Variants in ADCK1 observed in about 807,000 individuals in gnomAD.
ADCK1 encodes aarF domain containing kinase 1, also known as aarF domain-containing protein kinase 1.
Under a neutral mutation model 52.3 loss-of-function variants are expected in ADCK1, and 41 were observed. That is an observed-to-expected ratio of 0.78 (90% CI 0.61 to 1.02). ADCK1 has a LOEUF of 1.02. ADCK1 is among the 50% of genes least tolerant of loss of function. The probability of loss-of-function intolerance (pLI) is 0.00; values close to 1 mark genes in which losing one functional copy is unlikely to be tolerated. For missense variants in ADCK1, 658 were observed against 679.5 expected (o/e 0.97, Z 0.35); for synonymous variants, 250 against 274.6 (o/e 0.91, Z 0.89).
intron 3 of ADCK1, among the ~76,000 whole-genome samples, chr14:77,831,789 G>A (rs1161030642): frequency 1.3e-5 from 2 of 152,134 alleles, no homozygotes; most frequent in Non-Finnish European, 2.9e-5. Flanking sequence ...ATATGGTAGA[G>A]TGTTTTGGAG....
chr14:77,843,504 G>C (rs2082116828), intron 3 of ADCK1, among the ~76,000 whole-genome samples: 1 of 152,180 alleles, frequency 6.6e-6, no homozygotes, highest in African/African-American at 2.4e-5. Flanking sequence ...TGGCAACTGG[G>C]TTCCCAAATG....
Position 77,858,851 on chromosome 14 carries a change from G to A in ADCK1, c.220-225G>A, listed in dbSNP as rs150041966. Among the ~76,000 whole-genome samples the A allele has an allele frequency of 6.4e-3, 979 of 152,248 alleles. 10 individuals are homozygous for A. The highest frequency in any genetic ancestry group is 0.022 in the African/African-American group (928 of 41,526). On this transcript the variant is annotated intron_variant, in intron 3 of 10. Coordinates refer to ENST00000238561, the MANE Select transcript of ADCK1 (RefSeq NM_020421.4). Reference sequence around the variant, plus strand: ...AGGAGGAGATAGGAAGCACTGGGCCGTGTTTGAAGGGCGGCCTCTGTATGA... The same window carrying A: ...AGGAGGAGATAGGAAGCACTGGGCCATGTTTGAAGGGCGGCCTCTGTATGA...
chr14:77,921,344 AAAAAG>A (rs2084053340), intron 7 of ADCK1, among the ~76,000 whole-genome samples: 3 of 149,258 alleles, frequency 2.0e-5, no homozygotes, highest in Non-Finnish European at 3.0e-5. Flanking sequence ...AAAAAAAAAA[AAAAAG>A]AAAAAAAAGT....
In ADCK1 at chr14:77,931,660, G is replaced by A; in HGVS notation, c.1349G>A (p.Ser450Asn). Residue 450 changes from serine (S) to asparagine (N), a missense_variant, in exon 10 of 11, where the codon AGC (serine) becomes AAC (asparagine). By Grantham distance (46) the Ser-to-Asn change is conservative. Transcript: ENST00000238561. ...GAGGCCGCCCTGGGCACCCGCGCCA[G>A]CGCCAGCTCCTTTCTCAACATGTCA... Reference protein sequence around the residue: ...GIEAALGTRASASSFLNMSRC... With the variant: ...GIEAALGTRANASSFLNMSRC... The A allele has an allele frequency of 1.2e-6, 2 of 1,609,910 alleles. No homozygotes were observed. The highest frequency in any genetic ancestry group is 1.3e-5 in the African/African-American group (1 of 75,072).
At chr14:77,919,800 A>C (rs1246528498) in intron 7 of ADCK1, among the ~76,000 whole-genome samples, 1 of 152,048 alleles carries the variant, frequency 6.6e-6, no homozygotes, top group Non-Finnish European at 1.5e-5. Context: ...GTGGTATTGC[A>C]TTGTGGTTTT....
chr14:77,911,278 C>T lies in ADCK1; in HGVS notation c.858+3359C>T, dbSNP rs574127234. On this transcript the variant is annotated intron_variant, in intron 7 of 10. Transcript: ENST00000238561. ...GGTCTGCATGACTCCAAAGTCCTTG[C>T]CCCTCTACCTTCTCCATTTCCCTGC... is the stretch of plus-strand genomic sequence containing the variant. Among the ~76,000 whole-genome samples the T allele has an allele frequency of 2.0e-4, 31 of 152,318 alleles. 1 individual carries two copies. The South Asian group carries it at 6.4e-3, about 32-fold the overall frequency.
In ADCK1 at chr14:77,925,531, G is replaced by T. The variant is rs369275760; in HGVS notation, c.1009-233G>T. Among the ~76,000 whole-genome samples the T allele has an allele frequency of 5.3e-4, 80 of 152,352 alleles. 3 individuals are homozygous for T. In the South Asian group the frequency reaches 0.016, roughly 30 times the overall value. On this transcript the variant is annotated intron_variant, in intron 8 of 10. Coordinates refer to ENST00000238561, the MANE Select transcript of ADCK1 (RefSeq NM_020421.4). Reference sequence around the variant, plus strand: ...GAGGCTGTACCTGGGAAGAGGAGGAGAATGTAGACTTGGTTGGGCAGTTAA... The same window carrying T: ...GAGGCTGTACCTGGGAAGAGGAGGATAATGTAGACTTGGTTGGGCAGTTAA...
chr14:77,813,048 G>A (rs1368532053), intron 1 of ADCK1, among the ~76,000 whole-genome samples: 3 of 152,032 alleles, frequency 2.0e-5, no homozygotes, highest in Non-Finnish European at 2.9e-5. Context: ...TGTTGCCCAG[G>A]CTGGAGTGCA....
chr14:77,827,470 C>T (rs1389510492), intron 3 of ADCK1, among the ~76,000 whole-genome samples: 2 of 149,846 alleles, frequency 1.3e-5, no homozygotes, highest in Non-Finnish European at 3.0e-5. Context: ...TTTTTTTGCC[C>T]AAGGTGGTTT....
intron 3 of ADCK1, among the ~76,000 whole-genome samples, chr14:77,825,731 T>A (rs1008124386): frequency 6.8e-6 from 1 of 147,116 alleles, no homozygotes; most frequent in African/African-American, 2.5e-5. Flanking sequence ...AACCTCCGCC[T>A]CCCGGGTTCA....
intron 4 of ADCK1, among the ~76,000 whole-genome samples, chr14:77,860,582 A>G: frequency 1.3e-5 from 2 of 152,186 alleles, no homozygotes; most frequent in East Asian, 3.9e-4. Flanking sequence ...CTCCTCTGCC[A>G]CTGAGGAACA....
At chr14:77,905,204 A>G (rs2083632336) in intron 6 of ADCK1, among the ~76,000 whole-genome samples, 1 of 151,980 alleles carries the variant, frequency 6.6e-6, no homozygotes, top group Non-Finnish European at 1.5e-5. Context: ...GGGAGACCAA[A>G]AAGGGGGAAA....
At chr14:77,898,480 T>C (rs1442595523) in intron 5 of ADCK1, among the ~76,000 whole-genome samples, 1 of 152,196 alleles carries the variant, frequency 6.6e-6, no homozygotes, top group African/African-American at 2.4e-5. Flanking sequence ...TGAGATCATG[T>C]CCTTTGCAGG....
At chr14:77,850,097 C>A (rs149572322) in intron 3 of ADCK1, among the ~76,000 whole-genome samples, 1 of 152,094 alleles carries the variant, frequency 6.6e-6, no homozygotes, top group Non-Finnish European at 1.5e-5. Flanking sequence ...GTCTCAGCTA[C>A]TGGGGAGGCC....
chr14:77,868,501 A>G (rs1413203538), intron 4 of ADCK1, among the ~76,000 whole-genome samples: 1 of 152,108 alleles, frequency 6.6e-6, no homozygotes, highest in Non-Finnish European at 1.5e-5. Flanking sequence ...CCAGGATCCT[A>G]TGGTTCTTTT....
chr14:77,805,987 CTTTTTTTT>C (rs530925697), intron 1 of ADCK1, among the ~76,000 whole-genome samples: 1,609 of 87,730 alleles, frequency 0.018, 38 homozygotes, highest in African/African-American at 0.057. Context: ...ATTCTTACGG[CTTTTTTTT>C]TTTTTTTTTT....
At chr14:77,925,293 G>A (rs1244020151) in intron 8 of ADCK1, among the ~76,000 whole-genome samples, 1 of 152,222 alleles carries the variant, frequency 6.6e-6, no homozygotes, top group East Asian at 1.9e-4. Context: ...TTGCTCACAT[G>A]CCAGTCCTGG....
At chr14:77,908,057 A>G in intron 7 of ADCK1, 138 bp downstream of exon 7, 1 of 676,702 alleles carries the variant, frequency 1.5e-6, no homozygotes, top group Non-Finnish European at 2.5e-6. Context: ...CTGGAGAATT[A>G]TAAACTTTGA....
At chr14:77,870,197 A>C (rs1395411364) in intron 4 of ADCK1, among the ~76,000 whole-genome samples, 1 of 152,242 alleles carries the variant, frequency 6.6e-6, no homozygotes, top group African/African-American at 2.4e-5. Flanking sequence ...CTGGTTTTCC[A>C]TCTGAGGAGG....
Sources: gnomAD v4.1 joint callset for allele counts (sites outside exome capture counted in the v4.1 genomes callset) on GRCh38, gnomAD v4.1.1 for gene constraint, MANE v1.5 for transcripts, NCBI Gene and HGNC (gene_info 2026-07-23, HGNC 2026-07-21) for gene names.